KCTD16: variants seen among roughly 807,000 people sequenced by gnomAD.
KCTD16 encodes the protein potassium channel tetramerization domain containing 16.
A neutral mutation model predicts 33.2 loss-of-function variants in KCTD16; 13 were observed. The ratio of observed to expected loss-of-function variants is 0.39; its 90% confidence interval spans 0.25 to 0.62. The LOEUF is 0.62. KCTD16 is among the 20% of genes least tolerant of loss of function. KCTD16 has a pLI of 0.50. For missense variants in KCTD16, 441 were observed against 525.1 expected, an observed-to-expected ratio of 0.84 and a Z score of 1.57; for synonymous variants, 197 against 195.3, an observed-to-expected ratio of 1.01 and a Z score of -0.07.
chr5:144,419,938 G>A (rs1035325662), intron 3 of KCTD16, among the ~76,000 whole-genome samples: 2 of 151,948 alleles, frequency 1.3e-5, no homozygotes, highest in African/African-American at 2.4e-5. Context: ...AGAAGCTCTC[G>A]GTAAGAAGTA....
chr5:144,181,158 C>G (rs1258285836), intron 2 of KCTD16, among the ~76,000 whole-genome samples: 2 of 145,758 alleles, frequency 1.4e-5, no homozygotes, highest in Non-Finnish European at 3.0e-5. Flanking sequence ...TGGTCTCGAT[C>G]TCCTGACCTC....
chr5:144,385,199 C>A (rs959112154), intron 3 of KCTD16: 9 of 152,062 alleles, frequency 5.9e-5, no homozygotes, highest in Non-Finnish European at 1.0e-4. Context: ...CAGGCTATAA[C>A]CTCTCAATAA....
chr5:144,307,512 A>G (rs937777355), intron 3 of KCTD16, among the ~76,000 whole-genome samples: 4 of 152,212 alleles, frequency 2.6e-5, no homozygotes, highest in Non-Finnish European at 4.4e-5. Flanking sequence ...AGTGCTTAAC[A>G]TACATTATTT....
At chr5:144,419,937 C>T (rs567856951) in intron 3 of KCTD16, among the ~76,000 whole-genome samples, 5 of 152,126 alleles carry the variant, frequency 3.3e-5, no homozygotes, top group East Asian at 1.9e-4. Flanking sequence ...CAGAAGCTCT[C>T]GGTAAGAAGT....
chr5:144,394,314 G>T (rs1490790234), intron 3 of KCTD16, among the ~76,000 whole-genome samples: 1 of 152,004 alleles, frequency 6.6e-6, no homozygotes, highest in African/African-American at 2.4e-5. Context: ...TGAAATGCTT[G>T]ATATTGATGG....
chr5:144,364,047 G>T (rs1448762262), intron 3 of KCTD16, among the ~76,000 whole-genome samples: 1 of 152,052 alleles, frequency 6.6e-6, no homozygotes, highest in African/African-American at 2.4e-5. Context: ...TTTGTTAGAT[G>T]GTTGCATTCT....
intron 3 of KCTD16, among the ~76,000 whole-genome samples, chr5:144,222,496 C>G (rs1753789820): frequency 6.6e-6 from 1 of 152,148 alleles, no homozygotes; most frequent in African/African-American, 2.4e-5. Flanking sequence ...TAGACATACA[C>G]TTCTCAAAAG....
intron 2 of KCTD16, chr5:144,205,826 A>C (rs1323438557): frequency 2.8e-6 from 1 of 363,384 alleles, no homozygotes; most frequent in Non-Finnish European, 4.9e-6. Flanking sequence ...GTACCTACAT[A>C]CATACATAAA....
intron 3 of KCTD16, among the ~76,000 whole-genome samples, chr5:144,294,359 T>C (rs1361409396): frequency 6.6e-6 from 1 of 152,234 alleles, no homozygotes; most frequent in African/African-American, 2.4e-5. Context: ...GTGGTAACTC[T>C]ATAATTCAGT....
chr5:144,291,781 T>C (rs1755902340), intron 3 of KCTD16, among the ~76,000 whole-genome samples: 4 of 152,220 alleles, frequency 2.6e-5, no homozygotes, highest in Admixed American at 2.6e-4. Context: ...TTAACTACTA[T>C]CTTAAATTAC....
At chr5:144,388,228 C>T (rs7700284) in intron 3 of KCTD16, among the ~76,000 whole-genome samples, 20 of 151,210 alleles carry the variant, frequency 1.3e-4, no homozygotes, top group African/African-American at 4.1e-4. Context: ...TACAGGCGCC[C>T]GCCACCACGC....
intron 3 of KCTD16, among the ~76,000 whole-genome samples, chr5:144,259,873 G>C (rs1304281600): frequency 6.6e-6 from 1 of 152,158 alleles, no homozygotes; most frequent in African/African-American, 2.4e-5. Flanking sequence ...TAGTACCTTA[G>C]TCTCTGTTTA....
intron 3 of KCTD16, among the ~76,000 whole-genome samples, chr5:144,310,587 T>A (rs996741288): frequency 7.9e-5 from 12 of 151,672 alleles, no homozygotes; most frequent in African/African-American, 2.9e-4. Context: ...ATTATATATT[T>A]TTTTTGATAT....
chr5:144,193,076 A>G (rs1752874554), intron 2 of KCTD16, among the ~76,000 whole-genome samples: 1 of 152,170 alleles, frequency 6.6e-6, no homozygotes, highest in South Asian at 2.1e-4. Context: ...CATGTATTCT[A>G]CTTCACTCTG....
At position 144,481,889 on chromosome 5, in the gene KCTD16, T is replaced by C. The variant is rs1754710758; in HGVS notation, c.*7775T>C. On this transcript the variant is annotated 3_prime_UTR_variant, in exon 4 of 4. Coordinates refer to ENST00000512467, the MANE Select transcript of KCTD16 (RefSeq NM_020768.4). ...TAAATAATATATATTACAGATTTATTATTATGTACCTGAAACTCTACTGAG... is the reference window on the plus strand; with the variant it reads ...TAAATAATATATATTACAGATTTATCATTATGTACCTGAAACTCTACTGAG... The C allele has an allele frequency of 1.3e-5, 2 of 151,976 alleles. No individual in the cohort carries two copies. The highest frequency in any genetic ancestry group is 2.9e-5 in the Non-Finnish European group (2 of 67,930). 9.4% of individuals were successfully genotyped at this position (151,976 alleles called of 1,614,324 possible).
At chr5:144,417,712 C>T (rs537756684) in intron 3 of KCTD16, among the ~76,000 whole-genome samples, 46 of 152,110 alleles carry the variant, frequency 3.0e-4, no homozygotes, top group African/African-American at 1.1e-3. Context: ...TGCTTTTTTG[C>T]AAGTGTTTTA....
chr5:144,175,868 C>G (rs1752495818), intron 2 of KCTD16, among the ~76,000 whole-genome samples: 1 of 152,108 alleles, frequency 6.6e-6, no homozygotes, highest in Non-Finnish European at 1.5e-5. Flanking sequence ...AATATGATTT[C>G]TTCAGGAAAA....
In KCTD16 at chr5:144,474,030, T is replaced by G. The variant is rs776304481; in HGVS notation, c.1203T>G (p.Asp401Glu). Residue 401 changes from aspartate (D) to glutamate (E), a missense_variant, in exon 4 of 4, where the codon GAT (aspartate) becomes GAG (glutamate). Asp to Glu is a conservative substitution (Grantham distance 45). Around this residue, in one of 3 missense-constraint regions of KCTD16, gnomAD observed 355 missense variants for 413.0 expected, o/e 0.86. Transcript: ENST00000512467. ...IEEELEKCIQ[D>E]FLKIKIPDRF... ...AGGAGCTGGAGAAATGTATCCAGGA[T>G]TTCCTAAAAATCAAAATTCCAGATC... The G allele has an allele frequency of 6.2e-7, 1 of 1,613,970 alleles. No homozygotes were observed. The highest frequency in any genetic ancestry group is 2.2e-5 in the East Asian group (1 of 44,850).
At chr5:144,345,582 A>T (rs991399088) in intron 3 of KCTD16, among the ~76,000 whole-genome samples, 3 of 152,308 alleles carry the variant, frequency 2.0e-5, no homozygotes, top group Middle Eastern at 3.4e-3. Context: ...TTTACCGAGT[A>T]CCTATCTATG....
Sources: gnomAD v4.1 joint callset for allele counts (sites outside exome capture counted in the v4.1 genomes callset) on GRCh38, gnomAD v4.1.1 for gene constraint, gnomAD v4.1.1 regional missense constraint, MANE v1.5 for transcripts, NCBI Gene and HGNC (gene_info 2026-07-23, HGNC 2026-07-21) for gene names.